Variants in PSPH observed in about 807,000 individuals in gnomAD.
The protein encoded by PSPH is phosphoserine phosphatase, also known as L-3-phosphoserine phosphatase.
In PSPH, 16 loss-of-function variants were observed where a neutral mutation model predicts 23.4. That is an observed-to-expected ratio of 0.68 (90% confidence interval 0.46 to 1.04). The LOEUF is 1.04. Ranked by LOEUF, PSPH falls within the 50% of genes least tolerant of loss-of-function variation. The pLI is 0.00. For synonymous variants in PSPH, 68 were observed against 99.7 expected, an observed-to-expected ratio of 0.68 and a Z score of 1.89; for missense variants, 223 against 273.7, an observed-to-expected ratio of 0.81 and a Z score of 1.31.
At chr7:56,023,114 G>T (rs1186275273) in intron 3 of PSPH, among the ~76,000 whole-genome samples, 2 of 151,870 alleles carry the variant, frequency 1.3e-5, no homozygotes, top group East Asian at 3.9e-4. Flanking sequence ...AGAGGGAGAA[G>T]AAAAGAGTGC....
rs111866297 is a variant in PSPH at position 56,017,458 on chromosome 7, A to G, written c.276-79T>C. ...AAAAAAAACGAAACATGAAGAGGGA[A>G]ATAAGATACATTTTCTTCTCCTGAA... On this transcript the variant is annotated intron_variant, in intron 5 of 7. Coordinates refer to ENST00000275605, the MANE Select transcript of PSPH (RefSeq NM_004577.4). 2.6e-5 allele frequency: 40 copies of G among 1,549,548 alleles called. No individual in the cohort carries two copies. The African/African-American group carries it at 5.0e-4, about 19-fold the overall frequency.
At chr7:56,019,792 G>A (rs775055747) in intron 4 of PSPH, 58 bp from the exon 5 acceptor site, 4 of 1,603,286 alleles carry the variant, frequency 2.5e-6, no homozygotes, top group Non-Finnish European at 3.4e-6. Flanking sequence ...AGGTTAACAT[G>A]CCTTACTGCC....
chr7:56,049,242 A>G (rs906482705), intron 1 of PSPH, among the ~76,000 whole-genome samples: 3 of 151,234 alleles, frequency 2.0e-5, no homozygotes, highest in Non-Finnish European at 4.4e-5. Flanking sequence ...CTAAGTTTTA[A>G]ACCCTGCTTG....
intron 2 of PSPH, among the ~76,000 whole-genome samples, chr7:56,032,619 C>T (rs1791168857): frequency 6.9e-6 from 1 of 144,696 alleles, no homozygotes; most frequent in Non-Finnish European, 1.5e-5. Flanking sequence ...GAGATCGTGC[C>T]ACTGCACTTC....
intron 3 of PSPH, among the ~76,000 whole-genome samples, chr7:56,028,576 G>A (rs931049867): frequency 2.0e-5 from 3 of 152,046 alleles, no homozygotes; most frequent in African/African-American, 7.2e-5. Context: ...TTACTTGGAA[G>A]GCTGATTCTT....
At chr7:56,030,430 A>T (rs1790810870) in intron 3 of PSPH, among the ~76,000 whole-genome samples, 1 of 152,088 alleles carries the variant, frequency 6.6e-6, no homozygotes, top group South Asian at 2.1e-4. Flanking sequence ...GGCCTAAAAA[A>T]AAAAGCCAGC....
chr7:56,038,910 G>A (rs1443696791), intron 1 of PSPH, among the ~76,000 whole-genome samples: 15 of 151,924 alleles, frequency 9.9e-5, no homozygotes, highest in East Asian at 1.9e-4. Flanking sequence ...TTGAGAGGCT[G>A]AGGCGGGCAG....
chr7:56,021,059 A>C lies in PSPH; in HGVS notation c.140+14T>G. On this transcript the variant is annotated intron_variant, in intron 4 of 7. Transcript: ENST00000275605. ...TCTTTATCATTTCATAAAGTGAATA[A>C]ATGCTATCCCTACATTTCTGACACC... The C allele has an allele frequency of 1.2e-5, 19 of 1,609,242 alleles. No individual in the cohort carries two copies. The highest frequency in any genetic ancestry group is 1.5e-5 in the Non-Finnish European group (18 of 1,179,322).
chr7:56,047,421 T>C (rs1330127088), intron 1 of PSPH, among the ~76,000 whole-genome samples: 2 of 151,676 alleles, frequency 1.3e-5, no homozygotes, highest in East Asian at 1.9e-4. Context: ...GATGCTTAAA[T>C]TAGTAGGCAT....
Position 56,035,157 on chromosome 7 carries a change from A to G in PSPH, c.-291-1051T>C, listed in dbSNP as rs1016852208. Reference sequence around the variant, plus strand: ...GGAGTTCGAGACCAGCCTGGCCAACATGGCAAAACTCCATCTCCAGCAAAA... The same window carrying G: ...GGAGTTCGAGACCAGCCTGGCCAACGTGGCAAAACTCCATCTCCAGCAAAA... On this transcript the variant is annotated intron_variant, in intron 1 of 7. Coordinates refer to ENST00000275605, the MANE Select transcript of PSPH (RefSeq NM_004577.4). Among the ~76,000 whole-genome samples, 15 of 152,136 alleles carry G rather than the reference A, an allele frequency of 9.9e-5. 1 individual carries two copies. Among genetic ancestry groups the G allele is most frequent in the Admixed American group, 6.6e-5 (1 of 15,264 alleles).
intron 3 of PSPH, among the ~76,000 whole-genome samples, chr7:56,027,130 G>A (rs768219699): frequency 9.2e-5 from 14 of 151,598 alleles, no homozygotes; most frequent in Admixed American, 5.3e-4. Context: ...GCTTGAACCC[G>A]GGAGGCAGAA....
intron 3 of PSPH, among the ~76,000 whole-genome samples, chr7:56,030,348 G>A (rs974558640): frequency 6.6e-6 from 1 of 150,448 alleles, no homozygotes; most frequent in African/African-American, 2.4e-5. Flanking sequence ...GACCTCAGGA[G>A]TTCTGCTCAC....
intron 3 of PSPH, among the ~76,000 whole-genome samples, chr7:56,022,145 T>C (rs189368566): frequency 6.6e-6 from 1 of 151,914 alleles, no homozygotes; most frequent in Non-Finnish European, 1.5e-5. Context: ...GTGGGCAACA[T>C]AGAGAGACCA....
intron 1 of PSPH, among the ~76,000 whole-genome samples, chr7:56,044,043 G>A (rs565959602): frequency 4.6e-5 from 7 of 151,918 alleles, no homozygotes; most frequent in South Asian, 2.1e-4. Context: ...CGCAACTGTC[G>A]CCTCGTAGGT....
At chr7:56,037,861 C>T (rs1010964508) in intron 1 of PSPH, among the ~76,000 whole-genome samples, 2 of 151,606 alleles carry the variant, frequency 1.3e-5, no homozygotes, top group East Asian at 3.9e-4. Flanking sequence ...TACAAGCATG[C>T]ACCACCATGC....
chr7:56,026,909 G>C lies in PSPH; in HGVS notation c.-20+5020C>G, dbSNP rs561821191. Reference sequence around the variant, plus strand: ...TGGGATAAGCTAAAGAACTTTTTAAGAAGGTACATGAGAAGGCCCGGCACG... The same window carrying C: ...TGGGATAAGCTAAAGAACTTTTTAACAAGGTACATGAGAAGGCCCGGCACG... On this transcript the variant is annotated intron_variant, in intron 3 of 7. Coordinates refer to ENST00000275605, the MANE Select transcript of PSPH (RefSeq NM_004577.4). Among the ~76,000 whole-genome samples, 8 of 152,034 alleles carry C rather than the reference G, an allele frequency of 5.3e-5. 1 individual carries two copies. The highest frequency in any genetic ancestry group is 1.9e-4 in the African/African-American group (8 of 41,504).
chr7:56,035,723 G>A (rs574764011), intron 1 of PSPH, among the ~76,000 whole-genome samples: 84 of 151,922 alleles, frequency 5.5e-4, no homozygotes, highest in African/African-American at 2.0e-3. Context: ...GGGTTCAAGC[G>A]ATTCTCCTGC....
chr7:56,017,748 C>T, intron 5 of PSPH, among the ~76,000 whole-genome samples: 1 of 132,238 alleles, frequency 7.6e-6, no homozygotes, highest in Non-Finnish European at 1.6e-5. Context: ...GATGGAGTCT[C>T]CCTCTGTCTC....
chr7:56,044,458 G>A (rs555094814), intron 1 of PSPH, among the ~76,000 whole-genome samples: 2 of 152,046 alleles, frequency 1.3e-5, no homozygotes, highest in Admixed American at 1.3e-4. Flanking sequence ...AAAATTAGGA[G>A]GACAAAGATT....
Sources: allele counts gnomAD v4.1 joint callset (sites outside exome capture counted in the v4.1 genomes callset), GRCh38; gene constraint gnomAD v4.1.1; transcripts MANE v1.5; gene names NCBI Gene and HGNC (gene_info 2026-07-23, HGNC 2026-07-21).